The following UGT1A7 variants were observed in gnomAD, a reference collection of about 807,000 sequenced individuals.
UGT1A7 encodes the protein UDP glucuronosyltransferase family 1 member A7.
In UGT1A7, 33 loss-of-function variants were observed where a neutral mutation model predicts 45.6. The observed-to-expected ratio is 0.72, with a 90% CI of 0.55 to 0.97. The LOEUF (loss-of-function observed/expected upper bound fraction) is 0.97. Among genes scored for constraint, UGT1A7 ranks in the 50% least tolerant of loss-of-function variants. The pLI, the probability that UGT1A7 is intolerant of heterozygous loss-of-function variation, is 0.00. For missense variants in UGT1A7, 684 were observed against 666.2 expected (o/e 1.03, Z -0.29); for synonymous variants, 274 against 250.6 (o/e 1.09, Z -0.88).
intron 4 of UGT1A7, chr2:233,770,766 A>G (rs1416026522): frequency 6.6e-6 from 1 of 152,230 alleles, no homozygotes; most frequent in Non-Finnish European, 1.5e-5. Context: ...TTACATTATA[A>G]TAATGTTTCC....
At chr2:233,706,910 C>G (rs1427558668) in intron 1 of UGT1A7, among the ~76,000 whole-genome samples, 1 of 152,188 alleles carries the variant, frequency 6.6e-6, no homozygotes. Flanking sequence ...ACAATCCTAG[C>G]TGCCAGAGTA....
intron 1 of UGT1A7, among the ~76,000 whole-genome samples, chr2:233,708,162 G>A (rs372592365): frequency 6.6e-5 from 10 of 152,302 alleles, no homozygotes; most frequent in African/African-American, 2.4e-4. Flanking sequence ...GGAGTTGCCG[G>A]AAAATGGACT....
intron 1 of UGT1A7, among the ~76,000 whole-genome samples, chr2:233,757,257 G>C (rs1486497078): frequency 6.8e-6 from 1 of 147,916 alleles, no homozygotes; most frequent in Non-Finnish European, 1.5e-5. Flanking sequence ...GGTTATTCAG[G>C]TGGCAGCCGA....
chr2:233,743,306 T>C (rs1214734501), intron 1 of UGT1A7: 2 of 592,290 alleles, frequency 3.4e-6, no homozygotes, highest in Non-Finnish European at 5.6e-6. Flanking sequence ...ATTCTCTTGG[T>C]GGTGATTTTT....
At chr2:233,740,865 T>C (rs1159264843) in intron 1 of UGT1A7, 1 of 151,874 alleles carries the variant, frequency 6.6e-6, no homozygotes, top group Admixed American at 6.5e-5. Flanking sequence ...AAAAATTCTT[T>C]AAATAAAATG....
At position 233,682,508 on chromosome 2, in the gene UGT1A7, C is replaced by T. The variant is rs760871319; in HGVS notation, c.571C>T (p.Pro191Ser). 2 of 1,613,926 alleles carry T rather than the reference C, an allele frequency of 1.2e-6. No homozygotes were observed. The highest frequency in any genetic ancestry group is 1.7e-6 in the Non-Finnish European group (2 of 1,179,852). ...AQCPAPLSYV[P>S]RLLLGFSDAM... is the part of the protein sequence containing the mutation. ...GTGCCCTGCTCCTCTTTCCTATGTC[C>T]CCAGACTTCTCTTAGGGTTCTCAGA... Residue 191 changes from proline to serine, a missense_variant, in exon 1 of 5, where the codon CCC becomes TCC. Physicochemically the swap from Pro to Ser is moderately conservative, Grantham distance 74 (BLOSUM62 -1). Coordinates refer to ENST00000373426, the MANE Select transcript of UGT1A7 (RefSeq NM_019077.3).
chr2:233,709,911 C>T (rs2076097250), intron 1 of UGT1A7, among the ~76,000 whole-genome samples: 1 of 152,178 alleles, frequency 6.6e-6, no homozygotes, highest in Admixed American at 6.5e-5. Context: ...CACCTAATAC[C>T]TCCCCTCACC....
At chr2:233,736,510 T>C (rs77531777) in intron 1 of UGT1A7, among the ~76,000 whole-genome samples, 9,193 of 152,294 alleles carry the variant, frequency 0.06, 873 homozygotes, top group African/African-American at 0.21. Flanking sequence ...AGCCTACTTC[T>C]GTCAACTCGT....
rs1358825451 is a variant in UGT1A7, at chr2:233,772,781, A to T, written c.*222A>T. ...TATCGTGCCCCCTCTGGTGTCTTTG[A>T]TCAGGATGACATGTGCCATTTTTCA... On this transcript the variant is annotated 3_prime_UTR_variant, in exon 5 of 5. Transcript: ENST00000373426. The T allele has an allele frequency of 2.3e-6, 3 of 1,287,486 alleles. No homozygotes were observed. Among genetic ancestry groups the T allele is most frequent in the Non-Finnish European group, 3.1e-6 (3 of 975,386 alleles). The allele number at this position is 1,287,486 out of a possible 1,614,324, so 79.8% of individuals were successfully genotyped here.
At chr2:233,754,812 C>T in intron 1 of UGT1A7, 1 of 1,317,570 alleles carries the variant, frequency 7.6e-7, no homozygotes. Context: ...AGAAGAAAAA[C>T]CACCCTCAAA....
At chr2:233,715,879 C>T (rs1410006129) in intron 1 of UGT1A7, among the ~76,000 whole-genome samples, 3 of 152,094 alleles carry the variant, frequency 2.0e-5, no homozygotes, top group African/African-American at 7.2e-5. Context: ...GTGCCTGTGG[C>T]CCCAGCTACT....
At chr2:233,703,792 A>T (rs2075753488) in intron 1 of UGT1A7, among the ~76,000 whole-genome samples, 1 of 142,782 alleles carries the variant, frequency 7.0e-6, no homozygotes, top group African/African-American at 2.5e-5. Context: ...CTTGTTTTTA[A>T]TGCAGTCTGA....
At chr2:233,684,921 C>T (rs2074710855) in intron 1 of UGT1A7, among the ~76,000 whole-genome samples, 1 of 151,250 alleles carries the variant, frequency 6.6e-6, no homozygotes, top group African/African-American at 2.4e-5. Flanking sequence ...CCTTGTTAGA[C>T]AACAGGATTC....
chr2:233,709,064 A>G (rs1207906961), intron 1 of UGT1A7, among the ~76,000 whole-genome samples: 2 of 152,084 alleles, frequency 1.3e-5, no homozygotes, highest in Non-Finnish European at 2.9e-5. Flanking sequence ...TCCTAGTTAA[A>G]GTTCTTCTGC....
intron 1 of UGT1A7, chr2:233,747,354 G>A (rs753872482): frequency 3.1e-5 from 49 of 1,602,390 alleles, no homozygotes; most frequent in African/African-American, 2.7e-4. Flanking sequence ...GCGGGAGGCC[G>A]TGCGGGAGCT....
chr2:233,770,554 A>G (rs1700106811), intron 4 of UGT1A7: 1 of 152,026 alleles, frequency 6.6e-6, no homozygotes, highest in Non-Finnish European at 1.5e-5. Flanking sequence ...GCTATTTGGG[A>G]GGCTGAGGCA....
chr2:233,757,451 G>GTC (rs1696532284), intron 1 of UGT1A7, among the ~76,000 whole-genome samples: 1 of 150,202 alleles, frequency 6.7e-6, no homozygotes, highest in South Asian at 2.1e-4. Context: ...ACAGAAACAT[G>GTC]TCCAGAGCGC....
chr2:233,690,158 A>C (rs568795878), intron 1 of UGT1A7, among the ~76,000 whole-genome samples: 13 of 152,348 alleles, frequency 8.5e-5, no homozygotes, highest in African/African-American at 2.9e-4. Flanking sequence ...ATTCATTGAC[A>C]TGTAGTTATG....
At chr2:233,698,278 C>A (rs1233966249) in intron 1 of UGT1A7, among the ~76,000 whole-genome samples, 4 of 152,042 alleles carry the variant, frequency 2.6e-5, no homozygotes, top group Non-Finnish European at 5.9e-5. Context: ...CATTTCAACA[C>A]TATGAAAAAA....
Sources: gnomAD v4.1 joint callset for allele counts (sites outside exome capture counted in the v4.1 genomes callset) on GRCh38, gnomAD v4.1.1 for gene constraint, MANE v1.5 for transcripts, NCBI Gene and HGNC (gene_info 2026-07-23, HGNC 2026-07-21) for gene names.